Variants in CUL3 observed in about 807,000 individuals in gnomAD.
CUL3 encodes the protein cullin-3.
A neutral mutation model predicts 89.1 loss-of-function variants in CUL3; 19 were observed. The observed-to-expected ratio is 0.21, with a 90% confidence interval of 0.15 to 0.31. The LOEUF (loss-of-function observed/expected upper bound fraction) is 0.31, where lower values mean the gene tolerates loss of function less well. Ranked by LOEUF, CUL3 falls within the 10% of genes least tolerant of loss-of-function variation. The pLI is 1.00. For synonymous variants in CUL3, 351 were observed against 308.4 expected (o/e 1.14, Z -1.45); for missense variants, 469 against 942.3 (o/e 0.50, Z 6.58).
In CUL3 at chr2:224,474,173, A is replaced by C; in HGVS notation, c.*72T>G. The C allele has an allele frequency of 6.9e-7, 1 of 1,454,710 alleles. No individual in the cohort carries two copies. The highest frequency in any genetic ancestry group is 9.4e-7 in the Non-Finnish European group (1 of 1,067,164). 90.1% of individuals were successfully genotyped at this position (1,454,710 alleles called of 1,614,324 possible). A position where few individuals can be genotyped will look rare whatever the true frequency, so the allele number is the denominator to read the frequency against. On this transcript the variant is annotated 3_prime_UTR_variant, in exon 16 of 16. Coordinates refer to ENST00000264414, the MANE Select transcript of CUL3 (RefSeq NM_003590.5). Reference sequence around the variant, plus strand: ...AGAAGAGATGGTCGTCTTAATATTTAATGATTTAAAAGAACTTCCCAGTCC... The same window carrying C: ...AGAAGAGATGGTCGTCTTAATATTTCATGATTTAAAAGAACTTCCCAGTCC...
chr2:224,514,511 C>T, intron 4 of CUL3, 101 bp downstream of exon 4: 2 of 1,021,162 alleles, frequency 2.0e-6, no homozygotes, highest in South Asian at 2.2e-5. Context: ...ATGTGCTCAA[C>T]ATTCAAACTT....
At chr2:224,534,985 A>G (rs531715990) in intron 3 of CUL3, among the ~76,000 whole-genome samples, 1 of 150,916 alleles carries the variant, frequency 6.6e-6, no homozygotes, top group East Asian at 1.9e-4. Context: ...TGGGGAACAG[A>G]GCGAGACCCC....
At position 224,506,984 on chromosome 2, in the gene CUL3, C is replaced by T. The variant is rs777190043; in HGVS notation, c.903G>A (p.Lys301=). 6.8e-6 allele frequency: 11 copies of T among 1,612,010 alleles called. No homozygotes were observed. Among genetic ancestry groups the T allele is most frequent in the Non-Finnish European group, 9.3e-6 (11 of 1,179,304 alleles). ...GKTEDLGCMY[K]LFSRVPNGLK... is the part of the protein sequence containing the mutation. ...AACCATTTGGCACACGACTAAATAA[C>T]TTGTACATGCAACCAAGGTCTACAA... The change falls in exon 7 of 16, where the codon AAG becomes AAA. Residue 301 remains lysine (K), a synonymous_variant. Coordinates refer to ENST00000264414, the MANE Select transcript of CUL3 (RefSeq NM_003590.5).
intron 2 of CUL3, among the ~76,000 whole-genome samples, chr2:224,546,673 G>GT (rs34113288): frequency 6.6e-6 from 1 of 151,586 alleles, no homozygotes; most frequent in Admixed American, 6.6e-5. Flanking sequence ...AGGATGGGGG[G>GT]GGGTACTTGC....
intron 13 of CUL3, among the ~76,000 whole-genome samples, chr2:224,483,174 T>A (rs1254323297): frequency 1.3e-5 from 2 of 152,204 alleles, no homozygotes; most frequent in African/African-American, 4.8e-5. Context: ...TAGGTGCTAT[T>A]ATTAGAATGA....
chr2:224,506,847 G>C lies in CUL3; in HGVS notation c.1029+11C>G, dbSNP rs1372296324. On this transcript the variant is annotated intron_variant, in intron 7 of 15. Transcript: ENST00000264414. Reference sequence around the variant, plus strand: ...TATCATAAACACAGAGAATCTTCTGGGTTTACTTACCTGGATATAGTCAAC... The same window carrying C: ...TATCATAAACACAGAGAATCTTCTGCGTTTACTTACCTGGATATAGTCAAC... 6.2e-7 allele frequency: 1 copy of C among 1,608,854 alleles called. No individual in the cohort carries two copies.
At chr2:224,505,651 A>G (rs2106201784) in intron 8 of CUL3, 1 of 172,122 alleles carries the variant, frequency 5.8e-6, no homozygotes, top group East Asian at 1.4e-4. Flanking sequence ...AACAAGGCTA[A>G]TTTCAAACTC....
chr2:224,570,657 A>G (rs1695163521), intron 1 of CUL3, among the ~76,000 whole-genome samples: 1 of 152,232 alleles, frequency 6.6e-6, no homozygotes, highest in African/African-American at 2.4e-5. Flanking sequence ...AAAGAAAAAA[A>G]AAGATTATCA....
intron 14 of CUL3, chr2:224,479,104 T>C (rs1029148864): frequency 2.6e-5 from 4 of 152,162 alleles, no homozygotes; most frequent in African/African-American, 7.2e-5. Flanking sequence ...AAAAGAAAAC[T>C]GGTGTTTTAT....
chr2:224,584,668 C>A (rs1695531711), intron 1 of CUL3, among the ~76,000 whole-genome samples: 1 of 150,914 alleles, frequency 6.6e-6, no homozygotes, highest in Non-Finnish European at 1.5e-5. Flanking sequence ...GGGGCCCCGG[C>A]CGCAGCCGAC....
At position 224,585,028 on chromosome 2, in the gene CUL3, G is replaced by C. The variant is rs1308706803; in HGVS notation, c.-19C>G. ...TCGACATGGTGCTCGTCCCCTCCCC[G>C]GCGGCGGCTTCAGGTCGCGCTCCGC... On this transcript the variant is annotated 5_prime_UTR_variant, in exon 1 of 16. Coordinates refer to ENST00000264414, the MANE Select transcript of CUL3 (RefSeq NM_003590.5). 3 of 1,489,508 alleles carry C rather than the reference G, an allele frequency of 2.0e-6. No individual in the cohort carries two copies. The Admixed American group carries it at 5.8e-5, about 29-fold the overall frequency. The allele number at this position is 1,489,508 out of a possible 1,614,324, so 92.3% of individuals were successfully genotyped here. A position where few individuals can be genotyped will look rare whatever the true frequency, so the allele number is the denominator to read the frequency against.
At chr2:224,559,639 A>C (rs544122256) in intron 1 of CUL3, among the ~76,000 whole-genome samples, 1 of 152,120 alleles carries the variant, frequency 6.6e-6, no homozygotes, top group African/African-American at 2.4e-5. Context: ...CTACTCCAGT[A>C]GGGCTTTCAT....
intron 3 of CUL3, among the ~76,000 whole-genome samples, chr2:224,535,239 T>A (rs1039305745): frequency 2.0e-5 from 3 of 152,134 alleles, no homozygotes; most frequent in Non-Finnish European, 4.4e-5. Context: ...CAAGTGAGAG[T>A]GCAGTGGCAC....
intron 5 of CUL3, among the ~76,000 whole-genome samples, chr2:224,513,000 C>T (rs569524874): frequency 2.6e-5 from 4 of 152,178 alleles, no homozygotes; most frequent in African/African-American, 7.2e-5. Context: ...AATATGAAGG[C>T]GAGGATGAAG....
At chr2:224,478,489 C>T in intron 14 of CUL3, 144 bp from the exon 15 acceptor site, 1 of 603,442 alleles carries the variant, frequency 1.7e-6, no homozygotes, top group Non-Finnish European at 2.7e-6. Context: ...AGTACGCATT[C>T]AGAAACTGTC....
Position 224,503,604 on chromosome 2 carries a change from A to G in CUL3, c.1377+48T>C, listed in dbSNP as rs3738951. The G allele has an allele frequency of 0.47, 672,733 of 1,429,454 alleles. 160,137 individuals are homozygous for G. Among genetic ancestry groups the G allele is most frequent in the East Asian group, 0.63 (26,887 of 42,730 alleles). 88.5% of individuals were successfully genotyped at this position (1,429,454 alleles called of 1,614,324 possible). A position where few individuals can be genotyped will look rare whatever the true frequency, so the allele number is the denominator to read the frequency against. The stretch of plus-strand genomic sequence containing the variant: ...AATCACGTTGTCAGTACACAATCAT[A>G]ATAAACCTCAGTTAGGTGCACTCTA... On this transcript the variant is annotated intron_variant, in intron 9 of 15. Coordinates refer to ENST00000264414, the MANE Select transcript of CUL3 (RefSeq NM_003590.5).
intron 2 of CUL3, among the ~76,000 whole-genome samples, chr2:224,553,984 A>T (rs934067521): frequency 6.6e-6 from 1 of 152,154 alleles, no homozygotes; most frequent in Non-Finnish European, 1.5e-5. Context: ...ACGTAACTTC[A>T]ATATCTACTG....
intron 2 of CUL3, among the ~76,000 whole-genome samples, chr2:224,537,686 G>T (rs771265845): frequency 8.6e-5 from 13 of 151,880 alleles, no homozygotes; most frequent in Non-Finnish European, 1.8e-4. Context: ...AGCAATCTAC[G>T]CTACATACAA....
intron 1 of CUL3, among the ~76,000 whole-genome samples, chr2:224,571,998 A>C (rs1695191049): frequency 6.6e-6 from 1 of 152,220 alleles, no homozygotes; most frequent in Admixed American, 6.5e-5. Flanking sequence ...CAAGTGTCCT[A>C]AGCTGAGTGT....
Sources: allele counts gnomAD v4.1 joint callset (sites outside exome capture counted in the v4.1 genomes callset), GRCh38; gene constraint gnomAD v4.1.1; transcripts MANE v1.5; gene names NCBI Gene and HGNC (gene_info 2026-07-23, HGNC 2026-07-21).